Variants in ENTREP2 observed in about 807,000 individuals in gnomAD.
ENTREP2 encodes the protein protein ENTREP2.
the ENTREP2 span, among the ~76,000 whole-genome samples, chr15:29,276,042 T>C: frequency 1.3e-5 from 2 of 152,360 alleles, no homozygotes; most frequent in South Asian, 4.1e-4. Flanking sequence ...GTTATATATA[T>C]TCATTCATAG....
chr15:29,363,087 C>T, the ENTREP2 span, among the ~76,000 whole-genome samples: 2 of 152,088 alleles, frequency 1.3e-5, no homozygotes, highest in African/African-American at 4.8e-5. Flanking sequence ...AATATGTTTT[C>T]ACCCTACTTC....
At chr15:29,269,439 C>A in the ENTREP2 span, 2 of 1,614,078 alleles carry the variant, frequency 1.2e-6, no homozygotes, top group East Asian at 2.2e-5. Context: ...CCAGCTCGGA[C>A]ACTTTCAGCT....
the ENTREP2 span, among the ~76,000 whole-genome samples, chr15:29,148,975 C>A: frequency 6.6e-6 from 1 of 152,062 alleles, no homozygotes; most frequent in Non-Finnish European, 1.5e-5. Flanking sequence ...CTCCCAGGTT[C>A]AAGCCAATTT....
chr15:29,159,045 C>T, the ENTREP2 span, among the ~76,000 whole-genome samples: 6,627 of 152,202 alleles, frequency 0.044, 510 homozygotes, highest in African/African-American at 0.15. Flanking sequence ...TTGAGCGGGT[C>T]GTGGTAGTGT....
the ENTREP2 span, among the ~76,000 whole-genome samples, chr15:29,180,210 CAT>C: frequency 6.6e-6 from 1 of 152,062 alleles, no homozygotes; most frequent in African/African-American, 2.4e-5. Flanking sequence ...GGACATGTAC[CAT>C]ATATACATTT....
At chr15:29,175,137 G>C in the ENTREP2 span, among the ~76,000 whole-genome samples, 1 of 152,134 alleles carries the variant, frequency 6.6e-6, no homozygotes, top group Admixed American at 6.5e-5. Flanking sequence ...ATGGCGGTGA[G>C]AGCCAGGGCT....
chr15:29,417,604 T>C, the ENTREP2 span, among the ~76,000 whole-genome samples: 13 of 152,170 alleles, frequency 8.5e-5, no homozygotes, highest in Admixed American at 7.2e-4. Context: ...GTAACAAACC[T>C]GCACGTTGTG....
chr15:29,355,414 CTT>C, the ENTREP2 span, among the ~76,000 whole-genome samples: 2 of 140,366 alleles, frequency 1.4e-5, no homozygotes, highest in Non-Finnish European at 1.6e-5. Context: ...GTCCCATTGG[CTT>C]TTTTTTTTTT....
chr15:29,456,611 C>A, the ENTREP2 span, among the ~76,000 whole-genome samples: 1 of 152,210 alleles, frequency 6.6e-6, no homozygotes, highest in Non-Finnish European at 1.5e-5. Context: ...TGCCCCCTCC[C>A]AGGTGTTCAC....
chr15:29,541,980 C>T, the ENTREP2 span, among the ~76,000 whole-genome samples: 4 of 152,228 alleles, frequency 2.6e-5, no homozygotes, highest in South Asian at 8.3e-4. Context: ...AGGGTTTACT[C>T]TATTTTTTGG....
At chr15:29,627,161 C>CT in the ENTREP2 span, among the ~76,000 whole-genome samples, 1 of 151,964 alleles carries the variant, frequency 6.6e-6, no homozygotes, top group African/African-American at 2.4e-5. Context: ...GATGTGTTTT[C>CT]GTTTCATGCA....
the ENTREP2 span, among the ~76,000 whole-genome samples, chr15:29,167,908 T>C: frequency 6.6e-6 from 1 of 152,142 alleles, no homozygotes; most frequent in Non-Finnish European, 1.5e-5. Flanking sequence ...ACTTGCAAAA[T>C]TGTGGAACCA....
At chr15:29,455,713 G>T in the ENTREP2 span, among the ~76,000 whole-genome samples, 2 of 152,184 alleles carry the variant, frequency 1.3e-5, no homozygotes, top group Non-Finnish European at 2.9e-5. Context: ...AGGCCGCACT[G>T]CAGGAGGTGA....
chr15:29,191,449 A>AG, the ENTREP2 span, among the ~76,000 whole-genome samples: 1 of 127,430 alleles, frequency 7.8e-6, no homozygotes, highest in Non-Finnish European at 1.7e-5. Context: ...ACCGTAACCA[A>AG]GGAGAGAAGG....
the ENTREP2 span, chr15:29,123,693 T>C: frequency 6.6e-7 from 1 of 1,515,860 alleles, no homozygotes; most frequent in Non-Finnish European, 8.9e-7. Context: ...CAAAACTCAC[T>C]GAAATAAGAA....
chr15:29,198,531 T>G, the ENTREP2 span, among the ~76,000 whole-genome samples: 1 of 152,260 alleles, frequency 6.6e-6, no homozygotes, highest in South Asian at 2.1e-4. Context: ...TAATAGTATC[T>G]AATTTGGGGG....
At chr15:29,259,774 A>G in the ENTREP2 span, among the ~76,000 whole-genome samples, 11 of 151,750 alleles carry the variant, frequency 7.2e-5, no homozygotes, top group Admixed American at 2.0e-4. Flanking sequence ...CCCAGGAGTT[A>G]GATACCAGCC....
the ENTREP2 span, among the ~76,000 whole-genome samples, chr15:29,630,369 C>T: frequency 6.6e-6 from 1 of 152,194 alleles, no homozygotes; most frequent in African/African-American, 2.4e-5. Context: ...ACTAATTCAT[C>T]GTTTCTTTCT....
At chr15:29,126,324 G>C in the ENTREP2 span, 1 of 1,520,240 alleles carries the variant, frequency 6.6e-7, no homozygotes, top group Middle Eastern at 2.0e-4. Context: ...ACACGCCCGG[G>C]ACCTGGCTGC....
Sources: allele counts gnomAD v4.1 joint callset (sites outside exome capture counted in the v4.1 genomes callset), GRCh38; gene constraint gnomAD v4.1.1; transcripts MANE v1.5; gene names NCBI Gene and HGNC (gene_info 2026-07-23, HGNC 2026-07-21).